ZNG1F: variants seen among roughly 807,000 people sequenced by gnomAD.
The protein encoded by ZNG1F is Zn regulated GTPase metalloprotein activator 1F, also known as zinc-regulated GTPase metalloprotein activator 1F.
the ZNG1F span, among the ~76,000 whole-genome samples, chr9:41,166,445 CATATATATAT>C: frequency 6.6e-4 from 77 of 117,240 alleles, no homozygotes; most frequent in African/African-American, 1.8e-3. Flanking sequence ...TATTATTATA[CATATATATAT>C]ATATATATAT....
At chr9:41,150,324 G>C in the ZNG1F span, among the ~76,000 whole-genome samples, 2 of 150,674 alleles carry the variant, frequency 1.3e-5, no homozygotes, top group African/African-American at 4.9e-5. Flanking sequence ...AGGGTCCCAC[G>C]CCCACGGAGT....
chr9:41,154,932 A>T, the ZNG1F span, among the ~76,000 whole-genome samples: 132 of 148,580 alleles, frequency 8.9e-4, 1 homozygote, highest in African/African-American at 3.0e-3. Context: ...ACCATTCAGG[A>T]CATAGGCATG....
the ZNG1F span, chr9:41,146,110 T>TGG: frequency 6.8e-6 from 1 of 146,498 alleles, no homozygotes; most frequent in East Asian, 2.0e-4. Context: ...TGAGTCTCTT[T>TGG]GGGGGGTCCT....
the ZNG1F span, chr9:41,165,116 A>G: frequency 6.5e-7 from 1 of 1,547,770 alleles, no homozygotes; most frequent in Non-Finnish European, 8.7e-7. Context: ...AGAAATGTTA[A>G]GAAATTTTAA....
chr9:41,166,344 G>T, the ZNG1F span, among the ~76,000 whole-genome samples: 1 of 120,214 alleles, frequency 8.3e-6, no homozygotes, highest in Non-Finnish European at 1.7e-5. Flanking sequence ...CAGGAGAATC[G>T]CTTGAACCTG....
chr9:41,170,007 A>T, the ZNG1F span, among the ~76,000 whole-genome samples: 1 of 76,646 alleles, frequency 1.3e-5, no homozygotes, highest in African/African-American at 5.8e-5. Context: ...ACTATCTTAA[A>T]ACCCACTGGC....
At chr9:41,141,238 G>A in the ZNG1F span, among the ~76,000 whole-genome samples, 4 of 151,478 alleles carry the variant, frequency 2.6e-5, no homozygotes, top group African/African-American at 9.7e-5. Context: ...GTAATTCCCA[G>A]TGCAGAAGAT....
the ZNG1F span, among the ~76,000 whole-genome samples, chr9:41,178,599 G>A: frequency 1.0e-4 from 2 of 19,222 alleles, no homozygotes; most frequent in African/African-American, 1.9e-4. Flanking sequence ...ATGGAGTCTC[G>A]CTCTGTCACC....
the ZNG1F span, among the ~76,000 whole-genome samples, chr9:41,186,586 GAA>G: frequency 9.4e-5 from 1 of 10,612 alleles, no homozygotes. Flanking sequence ...ATCTCCAGTA[GAA>G]AAAAAAGTCT....
At chr9:41,183,653 C>A in the ZNG1F span, 1 of 1,605,104 alleles carries the variant, frequency 6.2e-7, no homozygotes, top group Non-Finnish European at 8.5e-7. Flanking sequence ...ATTTCTCCAG[C>A]GCACTTCCTA....
At chr9:41,183,808 C>A in the ZNG1F span, 1 of 1,294,570 alleles carries the variant, frequency 7.7e-7, no homozygotes, top group East Asian at 2.6e-5. Context: ...TTTATTCATG[C>A]AGCCTTGATA....
chr9:41,154,790 C>T, the ZNG1F span, among the ~76,000 whole-genome samples: 214 of 150,124 alleles, frequency 1.4e-3, 8 homozygotes, highest in East Asian at 4.9e-3. Flanking sequence ...CTGGGAAAAC[C>T]GGCTAGCCAT....
the ZNG1F span, among the ~76,000 whole-genome samples, chr9:41,166,466 ATATAT>A: frequency 6.3e-5 from 9 of 142,338 alleles, no homozygotes; most frequent in African/African-American, 2.4e-4. Flanking sequence ...ATATATATAT[ATATAT>A]ATAAAATCTT....
chr9:41,169,229 T>A, the ZNG1F span, among the ~76,000 whole-genome samples: 1 of 151,222 alleles, frequency 6.6e-6, no homozygotes. Flanking sequence ...CAAATCAAAC[T>A]CTGCAAAAAG....
At chr9:41,157,529 A>G in the ZNG1F span, 6 of 143,322 alleles carry the variant, frequency 4.2e-5, no homozygotes, top group African/African-American at 1.5e-4. Flanking sequence ...AAGGTGAAGA[A>G]ATATTTAAAG....
At chr9:41,187,463 T>C in the ZNG1F span, among the ~76,000 whole-genome samples, 1 of 138,914 alleles carries the variant, frequency 7.2e-6, no homozygotes. Flanking sequence ...GGGGCCAATT[T>C]GGCAGGCTGG....
At chr9:41,132,267 T>A in the ZNG1F span, 1 of 1,604,346 alleles carries the variant, frequency 6.2e-7, no homozygotes, top group Admixed American at 1.7e-5. Context: ...GTGTCATCCT[T>A]CCAGCTCACT....
chr9:41,158,864 C>T, the ZNG1F span: 2 of 106,576 alleles, frequency 1.9e-5, no homozygotes, highest in African/African-American at 6.5e-5. Context: ...GCATTAAAAT[C>T]GCCAAGAAAA....
At chr9:41,138,829 G>GT in the ZNG1F span, among the ~76,000 whole-genome samples, 1 of 120,994 alleles carries the variant, frequency 8.3e-6, no homozygotes, top group East Asian at 2.4e-4. Context: ...AGTTTTGATT[G>GT]TTTTTTATTT....
Sources: allele counts gnomAD v4.1 joint callset (sites outside exome capture counted in the v4.1 genomes callset), GRCh38; gene constraint gnomAD v4.1.1; transcripts MANE v1.5; gene names NCBI Gene and HGNC (gene_info 2026-07-23, HGNC 2026-07-21).